Variants in PKD1L1 observed in about 807,000 individuals in gnomAD.
PKD1L1 encodes polycystin 1 like 1, transient receptor potential channel interacting.
Under a neutral mutation model 323.4 loss-of-function variants are expected in PKD1L1, and 236 were observed. The ratio of observed to expected loss-of-function variants is 0.73; its 90% CI spans 0.66 to 0.81. PKD1L1 has a LOEUF of 0.81. Among genes scored for constraint, PKD1L1 ranks in the 40% least tolerant of loss-of-function variants. PKD1L1 has a pLI of 0.00. For missense variants in PKD1L1, 3,320 were observed against 3,508.0 expected, an observed-to-expected ratio of 0.95 and a Z score of 1.35; for synonymous variants, 1,344 against 1,335.0, an observed-to-expected ratio of 1.01 and a Z score of -0.15.
At chr7:47,853,000 C>A in intron 31 of PKD1L1, 127 bp downstream of exon 31, 1 of 702,806 alleles carries the variant, frequency 1.4e-6, no homozygotes, top group Non-Finnish European at 2.5e-6. Flanking sequence ...TGTTTATAAG[C>A]AAGCAGAGAA....
intron 45 of PKD1L1, among the ~76,000 whole-genome samples, chr7:47,822,950 A>AC (rs1235766128): frequency 1.4e-5 from 2 of 138,046 alleles, no homozygotes; most frequent in African/African-American, 5.5e-5. Context: ...TAGTTCCAGA[A>AC]CCCTTTTTTT....
intron 54 of PKD1L1, among the ~76,000 whole-genome samples, chr7:47,798,795 A>G (rs1409546184): frequency 1.3e-5 from 2 of 151,896 alleles, no homozygotes; most frequent in African/African-American, 2.4e-5. Flanking sequence ...AGAAACAAAA[A>G]AAATTCTAGA....
chr7:47,818,773 G>A (rs1410416937), intron 46 of PKD1L1, among the ~76,000 whole-genome samples: 1 of 152,160 alleles, frequency 6.6e-6, no homozygotes, highest in Non-Finnish European at 1.5e-5. Context: ...TAGAACGCTT[G>A]CTTCATTGAT....
chr7:47,826,023 G>A (rs1395502423), intron 45 of PKD1L1, among the ~76,000 whole-genome samples: 2 of 152,048 alleles, frequency 1.3e-5, no homozygotes, highest in East Asian at 1.9e-4. Flanking sequence ...TTAGTTCTGA[G>A]GGCTGAGCTG....
chr7:47,844,108 C>A (rs1238716429), intron 33 of PKD1L1, among the ~76,000 whole-genome samples: 1 of 152,220 alleles, frequency 6.6e-6, no homozygotes, highest in Non-Finnish European at 1.5e-5. Context: ...CTGCTTCCCC[C>A]ATGGTTTGCC....
At chr7:47,937,000 T>C (rs1293058346) in intron 3 of PKD1L1, 42 bp from the exon 4 acceptor site, 2 of 1,460,480 alleles carry the variant, frequency 1.4e-6, no homozygotes, top group African/African-American at 2.8e-5. Flanking sequence ...GAGCTGCTTA[T>C]GAAAACCCAG....
intron 2 of PKD1L1, among the ~76,000 whole-genome samples, chr7:47,942,684 C>G (rs1583693878): frequency 1.3e-5 from 2 of 152,124 alleles, no homozygotes; most frequent in South Asian, 4.1e-4. Flanking sequence ...AAACCCCACA[C>G]CTGTGGCCAT....
At chr7:47,904,712 G>T (rs1787163609) in intron 11 of PKD1L1, 95 bp from the exon 12 acceptor site, 1 of 1,397,382 alleles carries the variant, frequency 7.2e-7, no homozygotes, top group Non-Finnish European at 9.6e-7. Context: ...TAAGAGGAAG[G>T]CGGGGGAGGG....
At chr7:47,902,608 G>T in intron 12 of PKD1L1, 97 bp from the exon 13 acceptor site, 2 of 1,377,618 alleles carry the variant, frequency 1.5e-6, no homozygotes, top group East Asian at 2.4e-5. Flanking sequence ...CAGAATTATA[G>T]TATTTGACAG....
chr7:47,817,280 A>G (rs1420323180), intron 46 of PKD1L1, among the ~76,000 whole-genome samples: 1 of 152,136 alleles, frequency 6.6e-6, no homozygotes, highest in Non-Finnish European at 1.5e-5. Context: ...GATTTACACC[A>G]CGGAAATTGG....
In PKD1L1 at chr7:47,876,188, T is replaced by C. The variant is rs376073927; in HGVS notation, c.3693A>G (p.Ile1231Met). The change falls in exon 23 of 57, where the codon ATA becomes ATG. Residue 1231 changes from isoleucine (I) to methionine (M), a missense_variant. Physicochemically the swap from Ile to Met is conservative, Grantham distance 10. Coordinates refer to ENST00000289672, the MANE Select transcript of PKD1L1 (RefSeq NM_138295.5). ...PDFHYEFSYQ[I>M]GNTSKHTLYH... ...ACAAAGTGTGTTTGGAGGTGTTTCC[T>C]ATCTGGTAACTAAATTCATAATGGA... 3 of 1,614,128 alleles carry C rather than the reference T, an allele frequency of 1.9e-6. No individual in the cohort carries two copies. Among genetic ancestry groups the C allele is most frequent in the Non-Finnish European group, 2.5e-6 (3 of 1,179,976 alleles).
At chr7:47,922,935 CT>C (rs1787583615) in intron 7 of PKD1L1, among the ~76,000 whole-genome samples, 1 of 152,240 alleles carries the variant, frequency 6.6e-6, no homozygotes, top group African/African-American at 2.4e-5. Context: ...GATTGTTACT[CT>C]GTCTGTGTAG....
chr7:47,861,753 C>T (rs982160540), intron 26 of PKD1L1, among the ~76,000 whole-genome samples: 32 of 151,856 alleles, frequency 2.1e-4, no homozygotes, highest in Admixed American at 4.6e-4. Context: ...TGGTGGTGTG[C>T]GCCTGTAGTC....
At chr7:47,860,717 A>G (rs1562962450) in intron 26 of PKD1L1, among the ~76,000 whole-genome samples, 1 of 152,222 alleles carries the variant, frequency 6.6e-6, no homozygotes, top group Admixed American at 6.5e-5. Context: ...GACCAAAAAT[A>G]TCAGAATGGT....
the PKD1L1 span, among the ~76,000 whole-genome samples, chr7:47,957,862 A>AATATATATATAT: frequency 1.3e-4 from 17 of 134,664 alleles, no homozygotes; most frequent in African/African-American, 3.4e-4. Context: ...ATTAAAAAAA[A>AATATATATATAT]ATATATATAT....
At chr7:47,858,381 T>G (rs1189899433) in intron 27 of PKD1L1, among the ~76,000 whole-genome samples, 2 of 152,160 alleles carry the variant, frequency 1.3e-5, no homozygotes, top group Non-Finnish European at 2.9e-5. Flanking sequence ...GAAGGTATCC[T>G]GAGAAATAAT....
chr7:47,858,817 C>T lies in PKD1L1; in HGVS notation c.4218G>A (p.Ser1406=), dbSNP rs767192083. ...TRALLAQGQF[S]GPFVIDKGVR... ...CTCCTTTGTCAATCACAAATGGCCC[C>T]GAGAACTGGCCTTGAGCAAGGAGTG... is the stretch of plus-strand genomic sequence containing the variant. The change falls in exon 27 of 57, where the codon TCG becomes TCA. Residue 1406 remains serine (S), a synonymous_variant. Transcript: ENST00000289672. 6.8e-6 allele frequency: 11 copies of T among 1,614,010 alleles called. No homozygotes were observed. The highest frequency in any genetic ancestry group is 1.7e-5 in the Admixed American group (1 of 59,992).
upstream of PKD1L1, among the ~76,000 whole-genome samples, chr7:47,949,589 A>C (rs1008694537): frequency 1.4e-4 from 22 of 151,898 alleles, 1 homozygote; most frequent in African/African-American, 4.6e-4. Context: ...TCCATTACGA[A>C]ACATTTTCTC....
upstream of PKD1L1, among the ~76,000 whole-genome samples, chr7:47,952,730 T>C (rs17131957): frequency 1.0e-2 from 1,518 of 152,260 alleles, 19 homozygotes; most frequent in African/African-American, 0.033. Context: ...TTGTGAAAAA[T>C]AGCTGAGTGC....
Sources: allele counts gnomAD v4.1 joint callset (sites outside exome capture counted in the v4.1 genomes callset), GRCh38; gene constraint gnomAD v4.1.1; transcripts MANE v1.5; gene names NCBI Gene and HGNC (gene_info 2026-07-23, HGNC 2026-07-21).